The following ARHGEF38 variants were observed in gnomAD, a reference collection of about 807,000 sequenced individuals.
ARHGEF38 encodes the protein Rho guanine nucleotide exchange factor 38, also known as Rho guanine nucleotide exchange factor (GEF) 38.
Under a neutral mutation model 79.9 loss-of-function variants are expected in ARHGEF38, and 79 were observed. That is an observed-to-expected ratio of 0.99 (90% CI 0.82 to 1.19). The LOEUF is 1.19. ARHGEF38 is among the 50% of genes most tolerant of loss of function. ARHGEF38 has a pLI of 0.00. For missense variants in ARHGEF38, 962 were observed against 907.2 expected, an observed-to-expected ratio of 1.06 and a Z score of -0.78; for synonymous variants, 366 against 328.3, an observed-to-expected ratio of 1.11 and a Z score of -1.24.
At chr4:105,613,750 T>C (rs1728401551) in intron 3 of ARHGEF38, among the ~76,000 whole-genome samples, 1 of 152,156 alleles carries the variant, frequency 6.6e-6, no homozygotes, top group African/African-American at 2.4e-5. Context: ...ATTTCCAATC[T>C]TTCAATCTCT....
rs775352901 is a variant in ARHGEF38 at position 105,648,665 on chromosome 4, A to G, written c.991A>G (p.Thr331Ala). The G allele has an allele frequency of 3.9e-5, 59 of 1,523,768 alleles. No homozygotes were observed. The highest frequency in any genetic ancestry group is 5.0e-5 in the Non-Finnish European group (57 of 1,142,848). The allele number at this position is 1,523,768 out of a possible 1,614,324, so 94.4% of individuals were successfully genotyped here. A position where few individuals can be genotyped will look rare whatever the true frequency, so the allele number is the denominator to read the frequency against. The part of the protein sequence containing the change: ...KRVTNHLKIL[T>A]RGESQVKDNT... Reference sequence around the variant, plus strand: ...AGTGACAAATCATCTGAAGATTCTGACCAGAGGAGAATCACAGGTAATTTT... The same window carrying G: ...AGTGACAAATCATCTGAAGATTCTGGCCAGAGGAGAATCACAGGTAATTTT... The change falls in exon 7 of 14, where the codon ACC becomes GCC. Residue 331 changes from threonine to alanine, a missense_variant. Transcript: ENST00000420470.
At chr4:105,601,077 C>T (rs994924765) in intron 2 of ARHGEF38, among the ~76,000 whole-genome samples, 25 of 152,126 alleles carry the variant, frequency 1.6e-4, no homozygotes, top group African/African-American at 5.8e-4. Context: ...CAAATTATGT[C>T]ACTCTTCTAC....
chr4:105,616,807 T>C (rs1048846819), intron 3 of ARHGEF38, among the ~76,000 whole-genome samples: 5 of 152,176 alleles, frequency 3.3e-5, no homozygotes, highest in African/African-American at 1.2e-4. Context: ...GCAACATCTA[T>C]GTCAAAGTTT....
At chr4:105,606,801 G>GTACA (rs1728061716) in intron 2 of ARHGEF38, among the ~76,000 whole-genome samples, 2 of 152,010 alleles carry the variant, frequency 1.3e-5, no homozygotes, top group Non-Finnish European at 2.9e-5. Flanking sequence ...TTGTATGGAT[G>GTACA]TACACACAGA....
At chr4:105,575,009 T>C (rs143798895) in intron 1 of ARHGEF38, among the ~76,000 whole-genome samples, 1,630 of 68,388 alleles carry the variant, frequency 0.024, 12 homozygotes, top group East Asian at 0.057. Flanking sequence ...TACACACACA[T>C]ATATACACAC....
chr4:105,572,242 T>C (rs1726274649), intron 1 of ARHGEF38, among the ~76,000 whole-genome samples: 1 of 152,078 alleles, frequency 6.6e-6, no homozygotes, highest in African/African-American at 2.4e-5. Flanking sequence ...GAAACTCTTC[T>C]TTTTTTTCCA....
At chr4:105,609,687 A>G (rs1728202830) in intron 2 of ARHGEF38, among the ~76,000 whole-genome samples, 1 of 152,114 alleles carries the variant, frequency 6.6e-6, no homozygotes, top group African/African-American at 2.4e-5. Flanking sequence ...GAGGCATCAC[A>G]TTACCTGATT....
At chr4:105,643,028 A>T (rs1729684470) in intron 5 of ARHGEF38, among the ~76,000 whole-genome samples, 1 of 151,988 alleles carries the variant, frequency 6.6e-6, no homozygotes, top group Non-Finnish European at 1.5e-5. Context: ...CTGTTGTATT[A>T]TTGAAGAACC....
intron 6 of ARHGEF38, among the ~76,000 whole-genome samples, chr4:105,647,584 G>A (rs1053362137): frequency 4.6e-5 from 7 of 152,096 alleles, no homozygotes; most frequent in Admixed American, 1.3e-4. Flanking sequence ...GAACTTCCTG[G>A]TAATAGACTA....
chr4:105,670,835 A>T (rs1372101715), intron 13 of ARHGEF38, among the ~76,000 whole-genome samples: 1 of 152,130 alleles, frequency 6.6e-6, no homozygotes, highest in Non-Finnish European at 1.5e-5. Flanking sequence ...TTATCAGCAC[A>T]CTCTAAAGCT....
At chr4:105,612,488 C>T (rs1728334252) in intron 2 of ARHGEF38, among the ~76,000 whole-genome samples, 1 of 152,130 alleles carries the variant, frequency 6.6e-6, no homozygotes, top group African/African-American at 2.4e-5. Flanking sequence ...GTAAAAGGCA[C>T]CTACTCCTGT....
chr4:105,621,568 T>C (rs1728735595), intron 3 of ARHGEF38, among the ~76,000 whole-genome samples: 1 of 152,208 alleles, frequency 6.6e-6, no homozygotes, highest in Non-Finnish European at 1.5e-5. Flanking sequence ...TCTATAGCAG[T>C]GCTTTGTTTT....
At chr4:105,575,345 C>G (rs1285206110) in intron 1 of ARHGEF38, among the ~76,000 whole-genome samples, 1 of 152,118 alleles carries the variant, frequency 6.6e-6, no homozygotes, top group Non-Finnish European at 1.5e-5. Flanking sequence ...TGATAATGGC[C>G]ATTCTTACTG....
chr4:105,586,511 A>AGT (rs1208404173), intron 1 of ARHGEF38, among the ~76,000 whole-genome samples: 1 of 152,216 alleles, frequency 6.6e-6, no homozygotes, highest in East Asian at 1.9e-4. Context: ...AATCTGATGT[A>AGT]GTACATTTTA....
intron 1 of ARHGEF38, among the ~76,000 whole-genome samples, chr4:105,566,382 TAATTC>T (rs1332956124): frequency 6.6e-6 from 1 of 152,214 alleles, no homozygotes; most frequent in African/African-American, 2.4e-5. Flanking sequence ...CAGGTTATCA[TAATTC>T]TATTTATACT....
chr4:105,592,041 A>G (rs1235609195), intron 2 of ARHGEF38, among the ~76,000 whole-genome samples: 1 of 152,200 alleles, frequency 6.6e-6, no homozygotes, highest in Non-Finnish European at 1.5e-5. Flanking sequence ...TTTTAAATGC[A>G]CATAGCATCA....
At chr4:105,575,789 A>T (rs1726467328) in intron 1 of ARHGEF38, among the ~76,000 whole-genome samples, 1 of 152,084 alleles carries the variant, frequency 6.6e-6, no homozygotes. Context: ...TCAGCCCTAG[A>T]CTTAAGTCTT....
intron 2 of ARHGEF38, 71 bp downstream of exon 2, chr4:105,589,506 A>T: frequency 1.5e-6 from 2 of 1,358,144 alleles, no homozygotes; most frequent in Non-Finnish European, 2.0e-6. Flanking sequence ...ATGAAATTGA[A>T]GCACTCAGGT....
chr4:105,665,368 G>A (rs1189150916), intron 10 of ARHGEF38, among the ~76,000 whole-genome samples: 2 of 151,746 alleles, frequency 1.3e-5, no homozygotes, highest in South Asian at 2.1e-4. Flanking sequence ...GTGGTGATGC[G>A]TGGCTATAAT....
Sources: gnomAD v4.1 joint callset for allele counts (sites outside exome capture counted in the v4.1 genomes callset) on GRCh38, gnomAD v4.1.1 for gene constraint, MANE v1.5 for transcripts, NCBI Gene and HGNC (gene_info 2026-07-23, HGNC 2026-07-21) for gene names.